CDH18: variants seen among roughly 807,000 people sequenced by gnomAD.
CDH18 encodes cadherin-18.
A neutral mutation model predicts 67.9 loss-of-function variants in CDH18; 31 were observed. That is an observed-to-expected ratio of 0.46 (90% CI 0.34 to 0.62). The LOEUF is 0.62. CDH18 is among the 20% of genes least tolerant of loss of function. CDH18 has a pLI of 0.01. For missense variants in CDH18, 890 were observed against 975.5 expected (o/e 0.91, Z 1.17); for synonymous variants, 362 against 347.2 (o/e 1.04, Z -0.48).
intron 2 of CDH18, chr5:19,848,216 A>C (rs1391429): frequency 1.3e-5 from 2 of 152,004 alleles, no homozygotes; most frequent in African/African-American, 2.4e-5. Flanking sequence ...AGTGCTCTGA[A>C]ACAAGTGAGA....
intron 3 of CDH18, among the ~76,000 whole-genome samples, chr5:19,785,591 T>C (rs1254435322): frequency 7.5e-6 from 1 of 132,950 alleles, no homozygotes; most frequent in Non-Finnish European, 1.6e-5. Context: ...GAGGCGGAGG[T>C]TGCAGTAAGC....
At chr5:19,955,182 C>T (rs150583055) in intron 2 of CDH18, among the ~76,000 whole-genome samples, 1,848 of 152,156 alleles carry the variant, frequency 0.012, 54 homozygotes, top group African/African-American at 0.042. Flanking sequence ...TGTAAGTTTC[C>T]TGAGGCCTCC....
chr5:20,206,371 A>C (rs538447373), intron 2 of CDH18, among the ~76,000 whole-genome samples: 1 of 151,894 alleles, frequency 6.6e-6, no homozygotes, highest in African/African-American at 2.4e-5. Flanking sequence ...AAATTCCAAA[A>C]CCTAGTGGAA....
At chr5:19,747,767 AT>A (rs915349389) in intron 3 of CDH18, among the ~76,000 whole-genome samples, 4 of 143,854 alleles carry the variant, frequency 2.8e-5, no homozygotes, top group African/African-American at 1.0e-4. Flanking sequence ...TGAAAAAAAA[AT>A]GAAATCACCT....
chr5:20,332,581 T>C (rs1739281667), intron 1 of CDH18, among the ~76,000 whole-genome samples: 1 of 152,172 alleles, frequency 6.6e-6, no homozygotes, highest in African/African-American at 2.4e-5. Context: ...AGTGAAACAA[T>C]GTATAATGAA....
chr5:19,810,683 A>G (rs1778542201), intron 3 of CDH18, among the ~76,000 whole-genome samples: 2 of 152,108 alleles, frequency 1.3e-5, no homozygotes. Flanking sequence ...AATCAATTAA[A>G]AAGTACTGAT....
At chr5:19,793,999 C>A (rs930284195) in intron 3 of CDH18, among the ~76,000 whole-genome samples, 2 of 151,806 alleles carry the variant, frequency 1.3e-5, no homozygotes, top group African/African-American at 4.8e-5. Context: ...GTTGAAATAC[C>A]CTCTTGAAAA....
intron 4 of CDH18, among the ~76,000 whole-genome samples, chr5:19,722,502 A>G (rs890914277): frequency 7.3e-5 from 11 of 149,876 alleles, no homozygotes; most frequent in African/African-American, 2.7e-4. Flanking sequence ...TATTGAATCT[A>G]GTATGATCGT....
At chr5:19,786,693 G>T (rs542181698) in intron 3 of CDH18, among the ~76,000 whole-genome samples, 120 of 152,186 alleles carry the variant, frequency 7.9e-4, no homozygotes, top group Non-Finnish European at 1.5e-3. Flanking sequence ...ACTCTTCATT[G>T]ACCTGACACT....
intron 2 of CDH18, among the ~76,000 whole-genome samples, chr5:19,858,867 T>C (rs889493461): frequency 2.0e-5 from 3 of 152,116 alleles, no homozygotes; most frequent in Non-Finnish European, 4.4e-5. Context: ...TCAAAAAGTA[T>C]ACAATATATT....
intron 2 of CDH18, among the ~76,000 whole-genome samples, chr5:19,965,149 G>A (rs922018119): frequency 6.6e-6 from 1 of 151,898 alleles, no homozygotes; most frequent in African/African-American, 2.4e-5. Context: ...TTCTATACCC[G>A]CGTTTTAAAC....
chr5:19,761,472 C>A (rs949876839), intron 3 of CDH18, among the ~76,000 whole-genome samples: 2 of 152,038 alleles, frequency 1.3e-5, no homozygotes, highest in Admixed American at 6.6e-5. Flanking sequence ...AGAGTTTCTG[C>A]AAAGGACTAT....
chr5:20,346,419 A>T (rs565561530), intron 1 of CDH18, among the ~76,000 whole-genome samples: 2 of 152,172 alleles, frequency 1.3e-5, no homozygotes, highest in African/African-American at 4.8e-5. Flanking sequence ...TACAAAAGGA[A>T]AGAGCTTGGG....
chr5:20,536,807 ATATTTT>A (rs74831278), intron 1 of CDH18, among the ~76,000 whole-genome samples: 2,593 of 152,232 alleles, frequency 0.017, 35 homozygotes, highest in African/African-American at 0.029. Context: ...AATGAGTATT[ATATTTT>A]TGATTGTTAG....
intron 2 of CDH18, among the ~76,000 whole-genome samples, chr5:19,962,660 T>C (rs10039380): frequency 0.034 from 5,187 of 151,768 alleles, 317 homozygotes; most frequent in African/African-American, 0.12. Flanking sequence ...CTTGTAAATC[T>C]AGCTACTCAG....
chr5:20,213,273 TG>T (rs1343738598), intron 2 of CDH18, among the ~76,000 whole-genome samples: 1 of 152,120 alleles, frequency 6.6e-6, no homozygotes, highest in African/African-American at 2.4e-5. Flanking sequence ...ACACATTTAT[TG>T]ATTAGTTTAC....
At chr5:20,456,710 T>C (rs1191767368) in intron 1 of CDH18, among the ~76,000 whole-genome samples, 1 of 152,082 alleles carries the variant, frequency 6.6e-6, no homozygotes, top group Non-Finnish European at 1.5e-5. Flanking sequence ...TTTAAACACA[T>C]GCAAAATGGC....
At chr5:20,358,904 T>TG (rs1157484289) in intron 1 of CDH18, among the ~76,000 whole-genome samples, 2 of 151,702 alleles carry the variant, frequency 1.3e-5, no homozygotes, top group Non-Finnish European at 2.9e-5. Flanking sequence ...ATGTTGGATT[T>TG]GGAGTGATGC....
At chr5:19,659,874 G>A (rs943488687) in intron 5 of CDH18, among the ~76,000 whole-genome samples, 1 of 151,938 alleles carries the variant, frequency 6.6e-6, no homozygotes, top group Admixed American at 6.6e-5. Flanking sequence ...CCAGTCTCAG[G>A]TATTTTGTTA....
Sources: gnomAD v4.1 joint callset for allele counts (sites outside exome capture counted in the v4.1 genomes callset) on GRCh38, gnomAD v4.1.1 for gene constraint, MANE v1.5 for transcripts, NCBI Gene and HGNC (gene_info 2026-07-23, HGNC 2026-07-21) for gene names.